The following TSNARE1 variants were observed in gnomAD, a reference collection of about 807,000 sequenced individuals.
The protein encoded by TSNARE1 is t-SNARE domain-containing protein 1.
TSNARE1 carries 49 observed loss-of-function variants against 62.0 expected under a neutral mutation model. The ratio of observed to expected loss-of-function variants is 0.79; its 90% CI spans 0.63 to 1.00. The LOEUF (loss-of-function observed/expected upper bound fraction) is 1.00. Ranked by LOEUF, TSNARE1 falls within the 50% of genes least tolerant of loss-of-function variation. The pLI, the probability that TSNARE1 is intolerant of heterozygous loss-of-function variation, is 0.00. For missense variants in TSNARE1, 755 were observed against 700.1 expected (o/e 1.08, Z -0.88); for synonymous variants, 328 against 294.4 (o/e 1.11, Z -1.17).
intron 6 of TSNARE1, among the ~76,000 whole-genome samples, chr8:142,328,492 T>C (rs1830560207): frequency 6.6e-6 from 1 of 152,348 alleles, no homozygotes; most frequent in South Asian, 2.1e-4. Context: ...AAGGGATAAA[T>C]ATTCTTGCCT....
intron 12 of TSNARE1, among the ~76,000 whole-genome samples, chr8:142,235,062 G>A (rs572681388): frequency 1.2e-3 from 186 of 152,286 alleles, no homozygotes; most frequent in Non-Finnish European, 2.2e-3. Context: ...GAAAACAGCC[G>A]CCAGCACAGC....
At chr8:142,315,309 C>T (rs979429468) in intron 7 of TSNARE1, among the ~76,000 whole-genome samples, 1 of 152,200 alleles carries the variant, frequency 6.6e-6, no homozygotes, top group Admixed American at 6.5e-5. Context: ...GGGGTCAACA[C>T]CACCTGCCGG....
intron 1 of TSNARE1, among the ~76,000 whole-genome samples, chr8:142,388,940 T>G (rs1302745781): frequency 6.6e-6 from 1 of 152,148 alleles, no homozygotes; most frequent in Non-Finnish European, 1.5e-5. Context: ...AAGAAAATAT[T>G]CCTTGGAACA....
chr8:142,404,188 A>G (rs1265438531), upstream of TSNARE1: 1 of 152,422 alleles, frequency 6.6e-6, no homozygotes, highest in African/African-American at 2.4e-5. Context: ...GCTCCTGGGA[A>G]GGAGGCGTGC....
At chr8:142,308,226 C>A (rs181564723) in intron 9 of TSNARE1, among the ~76,000 whole-genome samples, 19 of 152,290 alleles carry the variant, frequency 1.2e-4, no homozygotes, top group African/African-American at 4.6e-4. Context: ...CAAAGTGTGT[C>A]GACCTTCTCC....
chr8:142,393,762 G>A (rs187812705), intron 1 of TSNARE1, among the ~76,000 whole-genome samples: 2 of 152,166 alleles, frequency 1.3e-5, no homozygotes, highest in African/African-American at 2.4e-5. Flanking sequence ...GAGGAAAATC[G>A]AGGGAAAGCC....
intron 4 of TSNARE1, among the ~76,000 whole-genome samples, chr8:142,333,299 G>A (rs1668621845): frequency 6.6e-6 from 1 of 152,224 alleles, no homozygotes; most frequent in Admixed American, 6.5e-5. Flanking sequence ...CGAAACGCAT[G>A]CAGGTGGAGG....
chr8:142,218,032 C>T (rs1163260741), intron 13 of TSNARE1, among the ~76,000 whole-genome samples: 3 of 115,648 alleles, frequency 2.6e-5, no homozygotes, highest in African/African-American at 7.5e-5. Flanking sequence ...GATCAGGGCC[C>T]AGTATGTGAC....
At chr8:142,331,643 C>T in intron 5 of TSNARE1, 111 bp downstream of exon 5, 1 of 1,077,574 alleles carries the variant, frequency 9.3e-7, no homozygotes, top group Non-Finnish European at 1.4e-6. Context: ...CGGGACTGCA[C>T]CGCAGGATGG....
At chr8:142,357,730 C>T (rs140308369) in intron 1 of TSNARE1, among the ~76,000 whole-genome samples, 261 of 152,336 alleles carry the variant, frequency 1.7e-3, no homozygotes, top group Non-Finnish European at 3.2e-3. Context: ...TACCCAAAGC[C>T]CTGGAGGTGG....
chr8:142,342,248 A>G (rs1293029706), intron 4 of TSNARE1, among the ~76,000 whole-genome samples: 1 of 152,270 alleles, frequency 6.6e-6, no homozygotes, highest in Non-Finnish European at 1.5e-5. Context: ...CGGGACTGCC[A>G]CTGCCTGCTA....
At chr8:142,280,077 G>C in intron 11 of TSNARE1, 1 of 1,214,740 alleles carries the variant, frequency 8.2e-7, no homozygotes. Flanking sequence ...GCAGGATGCG[G>C]CTCCACACGC....
In TSNARE1 at chr8:142,272,911, G is replaced by T. The variant is rs1407657059; in HGVS notation, c.1446+1870C>A. On this transcript the variant is annotated intron_variant, in intron 12 of 13. Coordinates refer to ENST00000524325, the MANE Select transcript of TSNARE1 (RefSeq NM_145003.5). Reference sequence around the variant, plus strand: ...TGGGGAAGGCCCCTCGCAGGCAGGTGGGAGCAGGACATTCTATGCAGAGGC... The same window carrying T: ...TGGGGAAGGCCCCTCGCAGGCAGGTTGGAGCAGGACATTCTATGCAGAGGC... 3.0e-6 allele frequency: 3 copies of T among 984,646 alleles called. No individual in the cohort carries two copies. In the African/African-American group the frequency reaches 5.3e-5, roughly 17 times the overall value. The allele number at this position is 984,646 out of a possible 1,614,324, so 61.0% of individuals were successfully genotyped here. A position where few individuals can be genotyped will look rare whatever the true frequency, so the allele number is the denominator to read the frequency against.
intron 1 of TSNARE1, among the ~76,000 whole-genome samples, chr8:142,368,396 T>C (rs959938174): frequency 2.0e-5 from 3 of 152,026 alleles, no homozygotes; most frequent in African/African-American, 7.3e-5. Context: ...GTTCGGAGAG[T>C]TCCCCTTCTG....
intron 13 of TSNARE1, among the ~76,000 whole-genome samples, chr8:142,224,100 C>T (rs35414995): frequency 0.58 from 87,917 of 152,054 alleles, 25,941 homozygotes; most frequent in African/African-American, 0.69. Flanking sequence ...GTCCCCATTA[C>T]GCTGAGCCCG....
At chr8:142,326,436 G>A (rs1352561814) in intron 6 of TSNARE1, among the ~76,000 whole-genome samples, 5 of 95,008 alleles carry the variant, frequency 5.3e-5, no homozygotes, top group Non-Finnish European at 3.9e-5. Context: ...ACCATGAGAC[G>A]GATGACGAAC....
intron 9 of TSNARE1, among the ~76,000 whole-genome samples, chr8:142,310,187 C>T (rs1012572070): frequency 3.3e-5 from 5 of 152,170 alleles, no homozygotes; most frequent in African/African-American, 1.2e-4. Flanking sequence ...GCCTACTGAA[C>T]GTGTTTTATA....
At chr8:142,340,035 G>A (rs1489795980) in intron 4 of TSNARE1, among the ~76,000 whole-genome samples, 4 of 152,372 alleles carry the variant, frequency 2.6e-5, no homozygotes, top group Non-Finnish European at 5.9e-5. Context: ...GGGCAGGGTC[G>A]GGGCCAGACT....
intron 13 of TSNARE1, among the ~76,000 whole-genome samples, chr8:142,223,065 T>TCATTCACTCATTC (rs1816514365): frequency 1.2e-5 from 1 of 83,854 alleles, no homozygotes; most frequent in Non-Finnish European, 2.6e-5. Context: ...CTCATTCACT[T>TCATTCACTCATTC]ACTCGCTCAT....
Sources: allele counts gnomAD v4.1 joint callset (sites outside exome capture counted in the v4.1 genomes callset), GRCh38; gene constraint gnomAD v4.1.1; transcripts MANE v1.5; gene names NCBI Gene and HGNC (gene_info 2026-07-23, HGNC 2026-07-21).